Variants in FBXO31 observed in about 807,000 individuals in gnomAD.
The protein encoded by FBXO31 is F-box protein 31.
FBXO31 carries 24 observed loss-of-function variants against 54.4 expected under a neutral mutation model. The ratio of observed to expected loss-of-function variants is 0.44; its 90% CI spans 0.32 to 0.62. FBXO31 has a LOEUF of 0.62. Among genes scored for constraint, FBXO31 ranks in the 20% least tolerant of loss-of-function variants. The pLI, the probability that FBXO31 is intolerant of heterozygous loss-of-function variation, is 0.05. For missense variants in FBXO31, 665 were observed against 787.1 expected, an observed-to-expected ratio of 0.84 and a Z score of 1.86; for synonymous variants, 388 against 335.6, an observed-to-expected ratio of 1.16 and a Z score of -1.71.
chr16:87,348,427 G>C (rs946406765), intron 2 of FBXO31, among the ~76,000 whole-genome samples: 7 of 152,242 alleles, frequency 4.6e-5, no homozygotes, highest in African/African-American at 1.7e-4. Flanking sequence ...TGAGCGTGAT[G>C]ATGGGGGAGA....
chr16:87,337,527 C>A (rs1255911805), intron 5 of FBXO31, among the ~76,000 whole-genome samples: 4 of 152,232 alleles, frequency 2.6e-5, no homozygotes, highest in African/African-American at 9.6e-5. Context: ...GCTCTCAGGA[C>A]TTGCCCAGTA....
chr16:87,366,760 G>C (rs1181056322), intron 1 of FBXO31, among the ~76,000 whole-genome samples: 1 of 152,232 alleles, frequency 6.6e-6, no homozygotes, highest in East Asian at 1.9e-4. Context: ...AGGGGAGGCA[G>C]AGGGCAGACG....
chr16:87,343,743 C>G lies in FBXO31; in HGVS notation c.512G>C (p.Gly171Ala). The change falls in exon 4 of 9, where the codon GGG becomes GCG. Residue 171 changes from glycine to alanine, a missense_variant. Transcript: ENST00000311635. ...GTCATGGGGAGGCAGGTACATCCAC[C>G]CGATGATGAACAGGCCGTCCACCTA... ...NVVVDGLFII[G>A]WMYLPPHDPH... The G allele has an allele frequency of 6.2e-7, 1 of 1,614,204 alleles. No individual in the cohort carries two copies. Among genetic ancestry groups the G allele is most frequent in the Non-Finnish European group, 8.5e-7 (1 of 1,180,024 alleles).
At chr16:87,355,858 G>A (rs971117118) in intron 2 of FBXO31, among the ~76,000 whole-genome samples, 2 of 152,160 alleles carry the variant, frequency 1.3e-5, no homozygotes, top group African/African-American at 2.4e-5. Flanking sequence ...CTGAAGACTC[G>A]CTAGGCCCCA....
chr16:87,333,806 T>C (rs1940918154), intron 8 of FBXO31, 80 bp downstream of exon 8: 1 of 1,482,278 alleles, frequency 6.7e-7, no homozygotes. Flanking sequence ...CCTCTCCGCC[T>C]GTGCTAGGTG....
chr16:87,331,331 G>A lies in FBXO31; in HGVS notation c.1577C>T (p.Ala526Val). ...AATGTTCTTGAGCATCTCATCGAAG[G>A]CCTGTGGGGACGGCGCATCTGCGTT... ...FRNADAPSPQ[A>V]FDEMLKNIQS... The change falls in exon 9 of 9, where the codon GCC (alanine) becomes GTC (valine). Residue 526 changes from alanine (A) to valine (V), a missense_variant. Transcript: ENST00000311635. 1 of 1,614,022 alleles carries A rather than the reference G, an allele frequency of 6.2e-7. No individual in the cohort carries two copies. Among genetic ancestry groups the A allele is most frequent in the Non-Finnish European group, 8.5e-7 (1 of 1,180,028 alleles).
rs1426301057 is a variant in FBXO31, at chr16:87,358,420, A to G, written c.412+1875T>C. On this transcript the variant is annotated intron_variant, in intron 2 of 8. Coordinates refer to ENST00000311635, the MANE Select transcript of FBXO31 (RefSeq NM_024735.5). This position sits in a 1 kb window ranked among gnomAD's most constrained non-coding sequence, Gnocchi z 4.0. The stretch of plus-strand genomic sequence containing the variant: ...CGCAGGAGGTACATACGGCAGGTGT[A>G]AACGTCTCTGTACGCCATGTGCTCA... 2.6e-5 allele frequency: 4 copies of G among 152,682 alleles called. No individual in the cohort carries two copies. The highest frequency in any genetic ancestry group is 4.4e-5 in the Non-Finnish European group (3 of 68,052). The allele number at this position is 152,682 out of a possible 1,614,324, so 9.5% of individuals were successfully genotyped here. A position where few individuals can be genotyped will look rare whatever the true frequency, so the allele number is the denominator to read the frequency against.
rs139180844 is a variant in FBXO31 at position 87,379,966 on chromosome 16, C to G, written c.340+3439G>C. Among the ~76,000 whole-genome samples the G allele has an allele frequency of 4.9e-3, 746 of 151,582 alleles. 22 individuals carry two copies. Among genetic ancestry groups the G allele is most frequent in the Admixed American group, 0.043 (662 of 15,224 alleles). ...AAAATACAACTTGGGCCACTGCACT[C>G]CAGCCTGGGCAAGAGAGCGAGACTC... On this transcript the variant is annotated intron_variant, in intron 1 of 8. Transcript: ENST00000311635.
chr16:87,340,900 T>C (rs1316581839), intron 5 of FBXO31, among the ~76,000 whole-genome samples: 1 of 152,170 alleles, frequency 6.6e-6, no homozygotes, highest in Non-Finnish European at 1.5e-5. Flanking sequence ...AACTCCTATC[T>C]GGAAGGGCTT....
intron 1 of FBXO31, among the ~76,000 whole-genome samples, chr16:87,373,247 C>A (rs1025269673): frequency 1.3e-5 from 2 of 151,714 alleles, no homozygotes; most frequent in Non-Finnish European, 2.9e-5. Context: ...GTCAGGAGAT[C>A]GAGACCATCT....
intron 1 of FBXO31, among the ~76,000 whole-genome samples, chr16:87,364,208 CA>C (rs1263918415): frequency 3.9e-5 from 6 of 152,226 alleles, no homozygotes; most frequent in Non-Finnish European, 8.8e-5. Context: ...GGGACTCCAC[CA>C]GGCCATGGAG....
intron 8 of FBXO31, among the ~76,000 whole-genome samples, chr16:87,332,232 G>A (rs1904884340): frequency 6.6e-6 from 1 of 152,218 alleles, no homozygotes. Flanking sequence ...TGCAGCCATC[G>A]GCACTGTGGT....
rs147784566 is a variant in FBXO31 at position 87,332,072 on chromosome 16, T to C, written c.1398-562A>G. On this transcript the variant is annotated intron_variant, in intron 8 of 8. Transcript: ENST00000311635. ...TATGTCTGTCTTGCAAGCAGCTAAA[T>C]TCTTCCAACAGATGACGAGAAGTAA... Among the ~76,000 whole-genome samples the C allele has an allele frequency of 4.5e-3, 685 of 152,336 alleles. 3 individuals are homozygous for C. Among genetic ancestry groups the C allele is most frequent in the African/African-American group, 0.015 (624 of 41,582 alleles).
intron 2 of FBXO31, among the ~76,000 whole-genome samples, chr16:87,349,537 C>T (rs1905547232): frequency 6.6e-6 from 1 of 152,174 alleles, no homozygotes; most frequent in South Asian, 2.1e-4. Flanking sequence ...TGGTGAAACC[C>T]CGTCTCTACT....
chr16:87,331,698 G>A (rs377439977), intron 8 of FBXO31, among the ~76,000 whole-genome samples, 188 bp from the exon 9 acceptor site: 1 of 152,254 alleles, frequency 6.6e-6, no homozygotes, highest in Non-Finnish European at 1.5e-5. Flanking sequence ...GCCTGTCTCT[G>A]AAGGGGTAGC....
At chr16:87,343,103 G>A (rs968729918) in intron 4 of FBXO31, 152 bp from the exon 5 acceptor site, 25 of 627,674 alleles carry the variant, frequency 4.0e-5, no homozygotes, top group Admixed American at 8.2e-5. Context: ...CGGTGCCAGC[G>A]GAGGGAGCTG....
At chr16:87,382,753 C>T (rs960539621) in intron 1 of FBXO31, among the ~76,000 whole-genome samples, 1 of 152,218 alleles carries the variant, frequency 6.6e-6, no homozygotes. Context: ...CTGCCTCACC[C>T]TCCCGAGTAG....
chr16:87,381,424 A>C (rs1376570602), intron 1 of FBXO31, among the ~76,000 whole-genome samples: 1 of 152,204 alleles, frequency 6.6e-6, no homozygotes, highest in Non-Finnish European at 1.5e-5. Context: ...TCACCCTCCA[A>C]GCACCTCCGG....
chr16:87,347,331 G>C, intron 2 of FBXO31, 81 bp from the exon 3 acceptor site: 2 of 1,150,874 alleles, frequency 1.7e-6, no homozygotes, highest in Non-Finnish European at 2.6e-6. Context: ...GAGGGAGGAA[G>C]GAACCATGAG....
Sources: gnomAD v4.1 joint callset for allele counts (sites outside exome capture counted in the v4.1 genomes callset) on GRCh38, gnomAD v4.1.1 for gene constraint, Gnocchi (gnomAD v3.1) non-coding constraint, MANE v1.5 for transcripts, NCBI Gene and HGNC (gene_info 2026-07-23, HGNC 2026-07-21) for gene names.